C3orf20: variants seen among roughly 807,000 people sequenced by gnomAD.
C3orf20 encodes the protein uncharacterized protein C3orf20.
C3orf20 carries 76 observed loss-of-function variants against 88.3 expected under a neutral mutation model. The ratio of observed to expected loss-of-function variants is 0.86; its 90% CI spans 0.72 to 1.04. The LOEUF (loss-of-function observed/expected upper bound fraction) is 1.04, where lower values mean the gene tolerates loss of function less well. Among genes scored for constraint, C3orf20 ranks in the 50% least tolerant of loss-of-function variants. The pLI, the probability that C3orf20 is intolerant of heterozygous loss-of-function variation, is 0.00. For synonymous variants in C3orf20, 436 were observed against 437.4 expected (o/e 1.00, Z 0.04); for missense variants, 1,056 against 1,123.3 (o/e 0.94, Z 0.86).
chr3:14,736,575 G>A (rs1403142110), intron 12 of C3orf20, among the ~76,000 whole-genome samples: 1 of 149,632 alleles, frequency 6.7e-6, no homozygotes, highest in African/African-American at 2.5e-5. Flanking sequence ...ACAGGCATGA[G>A]CCACTGCGCC....
intron 15 of C3orf20, chr3:14,767,346 C>G (rs1419337795): frequency 6.6e-6 from 1 of 152,408 alleles, no homozygotes. Context: ...GAAAAGATGA[C>G]CCCGGGCCCT....
intron 9 of C3orf20, among the ~76,000 whole-genome samples, chr3:14,720,887 A>G (rs984924283): frequency 1.3e-5 from 2 of 152,242 alleles, no homozygotes; most frequent in East Asian, 1.9e-4. Context: ...TTCATGTGGA[A>G]GAAGTTGAGA....
chr3:14,707,368 C>G (rs116466954), intron 7 of C3orf20, among the ~76,000 whole-genome samples: 1,716 of 151,298 alleles, frequency 0.011, 32 homozygotes, highest in African/African-American at 0.04. Context: ...TTCATTCATT[C>G]TAGTGGGTGT....
At chr3:14,685,625 A>G (rs778845705) in intron 4 of C3orf20, among the ~76,000 whole-genome samples, 9 of 152,108 alleles carry the variant, frequency 5.9e-5, no homozygotes, top group African/African-American at 4.8e-5. Context: ...CATTCCTCTT[A>G]TAAGTGAAAG....
chr3:14,705,278 T>A (rs1167602761), intron 7 of C3orf20, among the ~76,000 whole-genome samples: 1 of 152,262 alleles, frequency 6.6e-6, no homozygotes, highest in Non-Finnish European at 1.5e-5. Flanking sequence ...TACATGCCTG[T>A]AAGGCGTTAC....
At chr3:14,707,360 C>G (rs572733469) in intron 7 of C3orf20, among the ~76,000 whole-genome samples, 1 of 151,240 alleles carries the variant, frequency 6.6e-6, no homozygotes, top group African/African-American at 2.4e-5. Context: ...AATGTTCATT[C>G]ATTCATTCTA....
intron 15 of C3orf20, chr3:14,764,819 T>C (rs2035658836): frequency 6.6e-6 from 1 of 152,254 alleles, no homozygotes; most frequent in African/African-American, 2.4e-5. Flanking sequence ...CTTTCATGCC[T>C]TAGCCTCATA....
At chr3:14,719,144 A>AT (rs2034055027) in intron 9 of C3orf20, among the ~76,000 whole-genome samples, 2 of 126,288 alleles carry the variant, frequency 1.6e-5, no homozygotes, top group Non-Finnish European at 3.4e-5. Context: ...TTTTTTTTTA[A>AT]TTTTTTCAAG....
rs761914883 is a variant in C3orf20 at position 14,704,417 on chromosome 3, C to T, written c.959C>T (p.Ser320Phe). 95 of 1,614,122 alleles carry T rather than the reference C, an allele frequency of 5.9e-5. 2 individuals are homozygous for T. The South Asian group carries it at 9.9e-4, about 17-fold the overall frequency. ...ILRNYKAKMP[S>F]HLMLARKGDS... ...CGAAACTACAAGGCAAAGATGCCCT[C>T]TCATCTAATGTTGGCCCGCAAAGGA... The change falls in exon 7 of 17, where the codon TCT becomes TTT. Residue 320 changes from serine to phenylalanine, a missense_variant. By Grantham distance (155) the Ser-to-Phe change is radical. Coordinates refer to ENST00000253697, the MANE Select transcript of C3orf20 (RefSeq NM_032137.5).
At chr3:14,734,162 G>A (rs2034629252) in intron 12 of C3orf20, among the ~76,000 whole-genome samples, 1 of 152,010 alleles carries the variant, frequency 6.6e-6, no homozygotes, top group Admixed American at 6.6e-5. Context: ...AATTTTAATT[G>A]TGTTGATCTT....
At chr3:14,693,081 A>G (rs935839049) in intron 5 of C3orf20, among the ~76,000 whole-genome samples, 7 of 152,156 alleles carry the variant, frequency 4.6e-5, no homozygotes, top group Non-Finnish European at 7.4e-5. Context: ...ACTGGTCTAC[A>G]TATCTGTTTT....
intron 4 of C3orf20, among the ~76,000 whole-genome samples, chr3:14,688,989 T>C (rs2032582763): frequency 1.3e-5 from 2 of 152,188 alleles, no homozygotes; most frequent in African/African-American, 4.8e-5. Flanking sequence ...ATTTGTATAA[T>C]GTGCATTGTA....
At chr3:14,689,026 T>G (rs2032584583) in intron 4 of C3orf20, among the ~76,000 whole-genome samples, 1 of 152,194 alleles carries the variant, frequency 6.6e-6, no homozygotes, top group African/African-American at 2.4e-5. Context: ...ACCTGGCTTC[T>G]TATTTCTGTT....
At chr3:14,715,678 A>G (rs1410501285) in intron 9 of C3orf20, among the ~76,000 whole-genome samples, 20 of 152,224 alleles carry the variant, frequency 1.3e-4, no homozygotes, top group Admixed American at 1.3e-3. Flanking sequence ...AATTTTTATT[A>G]TTAATATTAT....
At chr3:14,693,520 T>A (rs968668113) in intron 5 of C3orf20, among the ~76,000 whole-genome samples, 2 of 152,344 alleles carry the variant, frequency 1.3e-5, no homozygotes, top group African/African-American at 4.8e-5. Context: ...ATAGAAATGC[T>A]ACTGATTTTT....
chr3:14,702,678 T>A (rs1418166211), intron 5 of C3orf20, among the ~76,000 whole-genome samples: 1 of 152,066 alleles, frequency 6.6e-6, no homozygotes, highest in Non-Finnish European at 1.5e-5. Flanking sequence ...TGACCTCAGG[T>A]GATCTGCTTG....
intron 9 of C3orf20, among the ~76,000 whole-genome samples, chr3:14,721,001 C>G (rs1182762192): frequency 6.6e-6 from 1 of 152,160 alleles, no homozygotes; most frequent in Non-Finnish European, 1.5e-5. Flanking sequence ...GCAACTCACT[C>G]TCCCCAAGCT....
intron 5 of C3orf20, among the ~76,000 whole-genome samples, chr3:14,699,534 T>C (rs1187100150): frequency 6.6e-6 from 1 of 152,196 alleles, no homozygotes; most frequent in African/African-American, 2.4e-5. Context: ...CCAGGATGTA[T>C]CTAGAAATGT....
At chr3:14,712,041 A>T (rs2033760505) in intron 7 of C3orf20, among the ~76,000 whole-genome samples, 1 of 152,090 alleles carries the variant, frequency 6.6e-6, no homozygotes, top group African/African-American at 2.4e-5. Flanking sequence ...GAACCTCAGA[A>T]TATTACCACA....
Sources: allele counts gnomAD v4.1 joint callset (sites outside exome capture counted in the v4.1 genomes callset), GRCh38; gene constraint gnomAD v4.1.1; transcripts MANE v1.5; gene names NCBI Gene and HGNC (gene_info 2026-07-23, HGNC 2026-07-21).